Variants in SIK2 observed in about 807,000 individuals in gnomAD.
SIK2 encodes serine/threonine-protein kinase SIK2.
A neutral mutation model predicts 103.2 loss-of-function variants in SIK2; 29 were observed. That is an observed-to-expected ratio of 0.28 (90% CI 0.21 to 0.38). The LOEUF (loss-of-function observed/expected upper bound fraction) is 0.38. SIK2 is among the 10% of genes least tolerant of loss of function. The pLI is 1.00. For missense variants in SIK2, 879 were observed against 1,171.0 expected (o/e 0.75, Z 3.64); for synonymous variants, 412 against 446.1 (o/e 0.92, Z 0.96).
At position 111,701,126 on chromosome 11, in the gene SIK2, C is replaced by A; in HGVS notation, c.603+116C>A. ...CATAAGCAGTATTTCATATTTTCCC[C>A]ATCCACTGGACTATAATTACTCAGA... On this transcript the variant is annotated intron_variant, in intron 5 of 14. Coordinates refer to ENST00000304987, the MANE Select transcript of SIK2 (RefSeq NM_015191.3). This position sits in a 1 kb window ranked among gnomAD's most constrained non-coding sequence, Gnocchi z 4.2. 7.5e-7 allele frequency: 1 copy of A among 1,334,032 alleles called. No homozygotes were observed. The highest frequency in any genetic ancestry group is 1.0e-6 in the Non-Finnish European group (1 of 993,996). The allele number at this position is 1,334,032 out of a possible 1,614,324, so 82.6% of individuals were successfully genotyped here. A position where few individuals can be genotyped will look rare whatever the true frequency, so the allele number is the denominator to read the frequency against.
intron 3 of SIK2, among the ~76,000 whole-genome samples, chr11:111,636,647 T>C (rs1942112338): frequency 6.6e-6 from 1 of 152,204 alleles, no homozygotes; most frequent in Non-Finnish European, 1.5e-5. Flanking sequence ...GGAAAGCCTC[T>C]CTTATACATA....
chr11:111,702,843 A>G (rs1461537343), intron 6 of SIK2, among the ~76,000 whole-genome samples: 1 of 152,206 alleles, frequency 6.6e-6, no homozygotes, highest in Admixed American at 6.5e-5. Context: ...GTATATCAGC[A>G]TTAGATATGA....
intron 3 of SIK2, among the ~76,000 whole-genome samples, chr11:111,672,596 A>G (rs932581982): frequency 2.6e-5 from 4 of 152,048 alleles, no homozygotes; most frequent in African/African-American, 9.7e-5. Flanking sequence ...TCCTTCCACT[A>G]GAAGAGGAAG....
intron 3 of SIK2, among the ~76,000 whole-genome samples, chr11:111,643,361 G>A (rs1040502136): frequency 3.3e-5 from 5 of 151,998 alleles, no homozygotes; most frequent in Non-Finnish European, 5.9e-5. Flanking sequence ...AATGCATGCA[G>A]GGCTTAAAAC....
At position 111,722,833 on chromosome 11, in the gene SIK2, C is replaced by G; in HGVS notation, c.2147+77C>G. On this transcript the variant is annotated intron_variant, in intron 14 of 14. Coordinates refer to ENST00000304987, the MANE Select transcript of SIK2 (RefSeq NM_015191.3). The surrounding 1 kb of genome is among the most constrained non-coding windows in gnomAD (Gnocchi z 4.4). ...AGAACACTGAATGTGTTGTCCTTTT[C>G]CTCTCACATTCGCCACTACTAGGAA... The G allele has an allele frequency of 7.3e-7, 1 of 1,371,460 alleles. No individual in the cohort carries two copies. The highest frequency in any genetic ancestry group is 1.0e-6 in the Non-Finnish European group (1 of 975,124). The allele number at this position is 1,371,460 out of a possible 1,614,324, so 85.0% of individuals were successfully genotyped here.
Position 111,712,320 on chromosome 11 carries a change from C to G in SIK2, c.1211C>G (p.Ser404Cys). Residue 404 changes from serine (S) to cysteine (C), a missense_variant, in exon 9 of 15, where the codon TCT becomes TGT. By Grantham distance (112) the Ser-to-Cys change is moderately radical. Coordinates refer to ENST00000304987, the MANE Select transcript of SIK2 (RefSeq NM_015191.3). Reference sequence around the variant, plus strand: ...GTGGAGGCCTTTTCATTTCCAGCATCTGGCTGTCAGGCGGAAGCTGCATTC... The same window carrying G: ...GTGGAGGCCTTTTCATTTCCAGCATGTGGCTGTCAGGCGGAAGCTGCATTC... ...SNVEAFSFPA[S>C]GCQAEAAFME... The G allele has an allele frequency of 6.2e-7, 1 of 1,614,218 alleles. No individual in the cohort carries two copies. Among genetic ancestry groups the G allele is most frequent in the Non-Finnish European group, 8.5e-7 (1 of 1,180,036 alleles).
chr11:111,718,156 A>G (rs1318484418), intron 9 of SIK2, among the ~76,000 whole-genome samples: 1 of 152,216 alleles, frequency 6.6e-6, no homozygotes, highest in African/African-American at 2.4e-5. Flanking sequence ...CCGTAAGTGT[A>G]AGGATGCTCA....
chr11:111,644,287 C>CAA (rs559236704), intron 3 of SIK2, among the ~76,000 whole-genome samples: 3 of 41,964 alleles, frequency 7.1e-5, no homozygotes, highest in Non-Finnish European at 1.0e-4. Context: ...GACTCCATCT[C>CAA]AAAAAAAAAA....
At chr11:111,660,330 C>T (rs962185341) in intron 3 of SIK2, among the ~76,000 whole-genome samples, 1 of 152,090 alleles carries the variant, frequency 6.6e-6, no homozygotes, top group African/African-American at 2.4e-5. Flanking sequence ...CCCTTAGGTC[C>T]ATATGCACCG....
intron 3 of SIK2, among the ~76,000 whole-genome samples, chr11:111,685,768 T>A (rs1053114190): frequency 2.0e-5 from 3 of 152,136 alleles, no homozygotes; most frequent in Admixed American, 2.0e-4. Flanking sequence ...AAGGATTGAT[T>A]GAATCCAGGA....
rs377436231 is a variant in SIK2 at position 111,717,233 on chromosome 11, G to A, written c.1267-2542G>A. On this transcript the variant is annotated intron_variant, in intron 9 of 14. Coordinates refer to ENST00000304987, the MANE Select transcript of SIK2 (RefSeq NM_015191.3). ...CGGGAGGCTGAGGCAGGAGAATGGCGTGAACCTGGGAGGCAGAGCTTGCAG... is the reference window on the plus strand; with the variant it reads ...CGGGAGGCTGAGGCAGGAGAATGGCATGAACCTGGGAGGCAGAGCTTGCAG... Among the ~76,000 whole-genome samples, 5 of 142,622 alleles carry A rather than the reference G, an allele frequency of 3.5e-5. No homozygotes were observed. The East Asian group carries it at 8.8e-4, about 25-fold the overall frequency. 93.6% of individuals were successfully genotyped at this position (142,622 alleles called of 152,430 possible).
rs112931431 is a variant in SIK2 at position 111,668,179 on chromosome 11, A to AGTGTGT, written c.317-19801_317-19796dup. Among the ~76,000 whole-genome samples the AGTGTGT allele has an allele frequency of 8.8e-3, 1,331 of 151,116 alleles. 16 individuals carry two copies. Among genetic ancestry groups the AGTGTGT allele is most frequent in the African/African-American group, 0.02 (839 of 40,998 alleles). ...TCAGTATGGAATAACTAAAGTAAGG[A>AGTGTGT]GTGTGTGTGTGTGTGTGTGTGTGTG... On this transcript the variant is annotated intron_variant, in intron 3 of 14. Transcript: ENST00000304987.
At chr11:111,674,071 T>TA (rs55822420) in intron 3 of SIK2, among the ~76,000 whole-genome samples, 2 of 136,704 alleles carry the variant, frequency 1.5e-5, no homozygotes, top group African/African-American at 5.5e-5. Flanking sequence ...AAGACTCCAT[T>TA]AAAAAAAAAA....
chr11:111,680,707 C>T (rs1163383463), intron 3 of SIK2, among the ~76,000 whole-genome samples: 1 of 152,086 alleles, frequency 6.6e-6, no homozygotes, highest in Non-Finnish European at 1.5e-5. Flanking sequence ...TGATAAGATG[C>T]TGGGAAGGCT....
At chr11:111,633,818 G>A (rs905293617) in intron 3 of SIK2, among the ~76,000 whole-genome samples, 34 of 152,106 alleles carry the variant, frequency 2.2e-4, no homozygotes, top group Non-Finnish European at 2.9e-5. Context: ...TATTTTCTTG[G>A]TCTGGCAGCA....
chr11:111,628,414 A>ATATCTATC (rs1363803073), intron 3 of SIK2, among the ~76,000 whole-genome samples: 1 of 46,962 alleles, frequency 2.1e-5, no homozygotes, highest in Non-Finnish European at 6.8e-5. Flanking sequence ...AACCGCTTTC[A>ATATCTATC]TATCTTTCTT....
chr11:111,665,449 G>A (rs778104059), intron 3 of SIK2, among the ~76,000 whole-genome samples: 15 of 152,014 alleles, frequency 9.9e-5, no homozygotes, highest in Admixed American at 5.2e-4. Context: ...GATCAAGGCT[G>A]CAGTGACCGT....
intron 3 of SIK2, among the ~76,000 whole-genome samples, chr11:111,656,877 TA>T (rs1942398503): frequency 6.6e-6 from 1 of 152,212 alleles, no homozygotes; most frequent in African/African-American, 2.4e-5. Flanking sequence ...CCTTGAGAGA[TA>T]AATAGAAACT....
In SIK2 at chr11:111,697,435, G is replaced by C. The variant is rs1270670340; in HGVS notation, c.479-3451G>C. Among the ~76,000 whole-genome samples the C allele has an allele frequency of 2.0e-5, 3 of 152,146 alleles. No individual in the cohort carries two copies. The East Asian group carries it at 5.8e-4, about 29-fold the overall frequency. The stretch of plus-strand genomic sequence containing the variant: ...TTAGTCTGATGGGATAGACAGATAA[G>C]TAAAATAATAAATAATAATAGCAAT... On this transcript the variant is annotated intron_variant, in intron 4 of 14. Coordinates refer to ENST00000304987, the MANE Select transcript of SIK2 (RefSeq NM_015191.3).
Sources: gnomAD v4.1 joint callset for allele counts (sites outside exome capture counted in the v4.1 genomes callset) on GRCh38, gnomAD v4.1.1 for gene constraint, Gnocchi (gnomAD v3.1) non-coding constraint, MANE v1.5 for transcripts, NCBI Gene and HGNC (gene_info 2026-07-23, HGNC 2026-07-21) for gene names.